The following EEA1 variants were observed in gnomAD, a reference collection of about 807,000 sequenced individuals.
EEA1 encodes the protein early endosome antigen 1, 162kD.
A neutral mutation model predicts 209.2 loss-of-function variants in EEA1; 111 were observed. The observed-to-expected ratio is 0.53, with a 90% confidence interval of 0.45 to 0.62. EEA1 has a LOEUF of 0.62. EEA1 is among the 20% of genes least tolerant of loss of function. The pLI is 0.00. For synonymous variants in EEA1, 536 were observed against 540.6 expected (o/e 0.99, Z 0.12); for missense variants, 1,343 against 1,530.8 (o/e 0.88, Z 2.05).
At position 92,842,522 on chromosome 12, in the gene EEA1, A is replaced by T; in HGVS notation, c.858T>A (p.Tyr286Ter). Residue 286 changes from tyrosine to a stop codon, truncating the protein, a stop_gained, in exon 10 of 29, where the codon TAT becomes TAA. Coordinates refer to ENST00000322349, the MANE Select transcript of EEA1 (RefSeq NM_003566.4). LOFTEE classifies it high-confidence loss of function. ...LAKGPQEVAV[Y>*]VQELQKLKSS... ...TTTTCAGTTTTTGTAGTTCCTGTAC[A>T]TATACAGCAACTTCCTGGGGGCCTT... The T allele has an allele frequency of 6.2e-7, 1 of 1,609,380 alleles. No homozygotes were observed. The highest frequency in any genetic ancestry group is 8.5e-7 in the Non-Finnish European group (1 of 1,178,398).
chr12:92,874,453 C>T lies in EEA1; in HGVS notation c.118-9466G>A, dbSNP rs1284282819. On this transcript the variant is annotated intron_variant, in intron 2 of 28. Transcript: ENST00000322349. ...CAATCTCGGCTCACTGCAACCTCTG[C>T]CTCCCAGGTTCAAGCGATTCTCCTG... Among the ~76,000 whole-genome samples the T allele has an allele frequency of 5.3e-5, 8 of 152,376 alleles. No homozygotes were observed. In the East Asian group the frequency reaches 1.5e-3, roughly 29 times the overall value.
chr12:92,860,816 TTA>T (rs2136718934), intron 3 of EEA1, among the ~76,000 whole-genome samples: 1 of 151,912 alleles, frequency 6.6e-6, no homozygotes, highest in African/African-American at 2.4e-5. Context: ...TGGAGGTTCA[TTA>T]TATATGTCTG....
At chr12:92,816,177 A>C (rs1418214335) in intron 15 of EEA1, 23 bp downstream of exon 15, 1 of 1,597,720 alleles carries the variant, frequency 6.3e-7, no homozygotes, top group African/African-American at 1.3e-5. Context: ...GGTGCTTTAC[A>C]CAAACATTAA....
At chr12:92,849,106 C>G (rs1178564768) in intron 9 of EEA1, among the ~76,000 whole-genome samples, 1 of 152,128 alleles carries the variant, frequency 6.6e-6, no homozygotes, top group African/African-American at 2.4e-5. Flanking sequence ...TGCATAACTC[C>G]AAAACTTGCA....
intron 25 of EEA1, 99 bp from the exon 26 acceptor site, chr12:92,778,278 T>A: frequency 1.1e-6 from 1 of 882,092 alleles, no homozygotes; most frequent in Non-Finnish European, 1.7e-6. Flanking sequence ...ATTTGCTTCT[T>A]CGGGAATGGA....
intron 2 of EEA1, among the ~76,000 whole-genome samples, chr12:92,884,886 A>G (rs1013047516): frequency 1.3e-5 from 2 of 152,008 alleles, no homozygotes; most frequent in Non-Finnish European, 2.9e-5. Flanking sequence ...ATTTGTGACT[A>G]ATTGTATAAC....
At chr12:92,837,561 C>G (rs929549382) in intron 10 of EEA1, among the ~76,000 whole-genome samples, 4 of 152,118 alleles carry the variant, frequency 2.6e-5, no homozygotes, top group Non-Finnish European at 4.4e-5. Context: ...ATTGTAGTGA[C>G]TGTAGATAAG....
chr12:92,784,209 C>T (rs1007214732), intron 22 of EEA1, among the ~76,000 whole-genome samples: 3 of 152,046 alleles, frequency 2.0e-5, no homozygotes, highest in Non-Finnish European at 4.4e-5. Flanking sequence ...TTGAGTACAT[C>T]GCCCAAAAAG....
At chr12:92,895,133 ATTTTTTTT>A (rs537064468) in intron 1 of EEA1, among the ~76,000 whole-genome samples, 4 of 95,114 alleles carry the variant, frequency 4.2e-5, no homozygotes, top group African/African-American at 1.7e-4. Context: ...GGATCACTGA[ATTTTTTTT>A]TTTTTTTTTT....
intron 3 of EEA1, chr12:92,858,244 C>T (rs1877975086): frequency 1.4e-6 from 1 of 725,526 alleles, no homozygotes; most frequent in Non-Finnish European, 2.6e-6. Flanking sequence ...GCCAAAGTAG[C>T]TTGTGAAACT....
At chr12:92,881,902 G>A (rs1187991012) in intron 2 of EEA1, among the ~76,000 whole-genome samples, 3 of 152,152 alleles carry the variant, frequency 2.0e-5, no homozygotes, top group South Asian at 4.2e-4. Context: ...CCACTTACAC[G>A]TGGATTTTCT....
intron 1 of EEA1, among the ~76,000 whole-genome samples, chr12:92,904,808 T>C (rs1287413534): frequency 6.6e-6 from 1 of 152,238 alleles, no homozygotes; most frequent in Non-Finnish European, 1.5e-5. Flanking sequence ...CAGGAGCTTC[T>C]GTCCCCATGA....
chr12:92,904,886 T>C (rs1354997289), intron 1 of EEA1, among the ~76,000 whole-genome samples: 5 of 152,206 alleles, frequency 3.3e-5, no homozygotes, highest in African/African-American at 9.6e-5. Context: ...CCAAAATCAC[T>C]GTTTAAAGTT....
intron 21 of EEA1, among the ~76,000 whole-genome samples, chr12:92,792,376 G>C (rs572094867): frequency 1.7e-3 from 253 of 152,098 alleles, no homozygotes; most frequent in African/African-American, 5.1e-3. Flanking sequence ...TTGATAGACT[G>C]CTAGCAAGAT....
rs541890252 is a variant in EEA1 at position 92,780,148 on chromosome 12, G to T, written c.3468+132C>A. On this transcript the variant is annotated intron_variant, in intron 24 of 28. Coordinates refer to ENST00000322349, the MANE Select transcript of EEA1 (RefSeq NM_003566.4). ...CAAAAGCACTCTGGCAAGAGTATTT[G>T]TCAGAAACAACAGAACAATTTGCCT... 10 of 928,024 alleles carry T rather than the reference G, an allele frequency of 1.1e-5. No individual in the cohort carries two copies. The East Asian group carries it at 2.5e-4, about 23-fold the overall frequency. 57.5% of individuals were successfully genotyped at this position (928,024 alleles called of 1,614,324 possible). A position where few individuals can be genotyped will look rare whatever the true frequency, so the allele number is the denominator to read the frequency against.
intron 21 of EEA1, among the ~76,000 whole-genome samples, chr12:92,795,305 T>C (rs1342698296): frequency 6.6e-6 from 1 of 152,216 alleles, no homozygotes; most frequent in Non-Finnish European, 1.5e-5. Context: ...CAAAGCTTCT[T>C]TGATCACCCA....
intron 1 of EEA1, among the ~76,000 whole-genome samples, chr12:92,898,770 G>A (rs1368022341): frequency 9.1e-6 from 1 of 109,614 alleles, no homozygotes; most frequent in Non-Finnish European, 1.7e-5. Flanking sequence ...AGAGACAGGG[G>A]TCTCAGAATG....
intron 22 of EEA1, 37 bp from the exon 23 acceptor site, chr12:92,782,172 TGTTTTTA>T: frequency 6.6e-7 from 1 of 1,521,850 alleles, no homozygotes; most frequent in Non-Finnish European, 8.9e-7. Context: ...TTATATGCCA[TGTTTTTA>T]GTAAATTCAA....
intron 18 of EEA1, among the ~76,000 whole-genome samples, chr12:92,805,602 G>A (rs775717628): frequency 6.6e-6 from 1 of 152,140 alleles, no homozygotes; most frequent in South Asian, 2.1e-4. Flanking sequence ...ACATTCAAAT[G>A]AATTGGGTGG....
Sources: allele counts gnomAD v4.1 joint callset (sites outside exome capture counted in the v4.1 genomes callset), GRCh38; gene constraint gnomAD v4.1.1; transcripts MANE v1.5; gene names NCBI Gene and HGNC (gene_info 2026-07-23, HGNC 2026-07-21).